The following SLC25A28 variants were observed in gnomAD, a reference collection of about 807,000 sequenced individuals.
The protein encoded by SLC25A28 is mitoferrin-2.
SLC25A28 carries 10 observed loss-of-function variants against 31.9 expected under a neutral mutation model. That is an observed-to-expected ratio of 0.31 (90% CI 0.19 to 0.53). SLC25A28 has a LOEUF of 0.53. Among genes scored for constraint, SLC25A28 ranks in the 20% least tolerant of loss-of-function variants. The probability of loss-of-function intolerance (pLI) is 0.95; values close to 1 mark genes in which losing one functional copy is unlikely to be tolerated. For synonymous variants in SLC25A28, 208 were observed against 203.6 expected (o/e 1.02, Z -0.19); for missense variants, 256 against 490.3 (o/e 0.52, Z 4.51).
At chr10:99,627,835 AT>A in the SLC25A28 span, among the ~76,000 whole-genome samples, 1 of 151,176 alleles carries the variant, frequency 6.6e-6, no homozygotes, top group Non-Finnish European at 1.5e-5. Flanking sequence ...CATTCTTTCA[AT>A]TCTTTTTTGG....
chr10:99,612,734 G>A lies in SLC25A28; in HGVS notation c.521-135C>T. On this transcript the variant is annotated intron_variant, in intron 2 of 3. Coordinates refer to ENST00000370495, the MANE Select transcript of SLC25A28 (RefSeq NM_031212.4). ...ACGTTAAGAGCTAGTCCAAAAGATG[G>A]GGACCCACTGCTCCTAAACTCCTGT... 2.1e-6 allele frequency: 2 copies of A among 937,172 alleles called. 1 individual carries two copies. Among genetic ancestry groups the A allele is most frequent in the South Asian group, 2.7e-5 (2 of 74,688 alleles). 58.1% of individuals were successfully genotyped at this position (937,172 alleles called of 1,614,324 possible).
chr10:99,623,240 G>C (rs2034826486), upstream of SLC25A28, among the ~76,000 whole-genome samples: 1 of 152,166 alleles, frequency 6.6e-6, no homozygotes, highest in Admixed American at 6.5e-5. Context: ...AGTGTGGCTG[G>C]AGCATGGTGA....
At chr10:99,647,055 A>G in the SLC25A28 span, among the ~76,000 whole-genome samples, 12 of 152,224 alleles carry the variant, frequency 7.9e-5, no homozygotes, top group African/African-American at 2.9e-4. Flanking sequence ...CATTTTCTTA[A>G]TCCAACCTTC....
the SLC25A28 span, among the ~76,000 whole-genome samples, chr10:99,653,327 A>T: frequency 1.3e-5 from 2 of 152,214 alleles, no homozygotes; most frequent in African/African-American, 4.8e-5. Flanking sequence ...CCATGTGAAA[A>T]GAAACTGGGG....
intron 1 of SLC25A28, 78 bp downstream of exon 1, chr10:99,619,967 G>A: frequency 7.1e-7 from 1 of 1,408,414 alleles, no homozygotes; most frequent in South Asian, 1.4e-5. Flanking sequence ...CCGGCTCTCA[G>A]CCGGGATCCT....
intron 1 of SLC25A28, among the ~76,000 whole-genome samples, chr10:99,614,659 T>C (rs893577739): frequency 6.6e-6 from 1 of 152,214 alleles, no homozygotes; most frequent in Admixed American, 6.5e-5. Context: ...TCTAAAGGAT[T>C]TGATGATTGG....
chr10:99,647,381 G>C, the SLC25A28 span, among the ~76,000 whole-genome samples: 1 of 152,152 alleles, frequency 6.6e-6, no homozygotes, highest in Admixed American at 6.5e-5. Flanking sequence ...GTATCTCATT[G>C]TGGTTTTCAG....
chr10:99,619,241 C>T, intron 1 of SLC25A28: 1 of 985,434 alleles, frequency 1.0e-6, no homozygotes, highest in South Asian at 4.7e-5. Context: ...TTCATACTTA[C>T]ATCTACTTTC....
At chr10:99,612,711 G>A (rs1221007119) in intron 2 of SLC25A28, 112 bp from the exon 3 acceptor site, 56 of 1,210,472 alleles carry the variant, frequency 4.6e-5, no homozygotes, top group Non-Finnish European at 6.7e-5. Context: ...GAAAAGTAAC[G>A]TTAAGAGCTA....
In SLC25A28 at chr10:99,610,869, C is replaced by T; in HGVS notation, c.1075G>A (p.Glu359Lys). The change falls in exon 4 of 4, where the codon GAG (glutamate) becomes AAG (lysine). Residue 359 changes from glutamate (E) to lysine (K), a missense_variant. Coordinates refer to ENST00000370495, the MANE Select transcript of SLC25A28 (RefSeq NM_031212.4). ...CTACTTCACTTGCCAGCCCTCCACT[C>T]TTCTTGCCTTTTAGTGATTAGGTAT... ...FKYLITKRQE[E>K]WRAGK is the part of the protein sequence containing the mutation. 2 of 1,614,008 alleles carry T rather than the reference C, an allele frequency of 1.2e-6. No individual in the cohort carries two copies. Among genetic ancestry groups the T allele is most frequent in the Non-Finnish European group, 1.7e-6 (2 of 1,179,880 alleles).
intron 1 of SLC25A28, chr10:99,618,491 G>A (rs937190506): frequency 1.4e-5 from 14 of 985,104 alleles, no homozygotes; most frequent in African/African-American, 1.2e-4. Flanking sequence ...TTGGATATAC[G>A]GCATTATTAA....
chr10:99,617,283 A>T (rs951299642), intron 1 of SLC25A28: 2 of 985,208 alleles, frequency 2.0e-6, no homozygotes, highest in Non-Finnish European at 2.4e-6. Context: ...TAGCCATGGA[A>T]ATAGCTGGTT....
At chr10:99,631,045 TAGC>T in the SLC25A28 span, among the ~76,000 whole-genome samples, 16 of 152,060 alleles carry the variant, frequency 1.1e-4, no homozygotes, top group Non-Finnish European at 2.4e-4. Context: ...GAAAACATAA[TAGC>T]AGGAGTCCTG....
At chr10:99,639,602 T>C in the SLC25A28 span, among the ~76,000 whole-genome samples, 1 of 152,016 alleles carries the variant, frequency 6.6e-6, no homozygotes, top group Non-Finnish European at 1.5e-5. Context: ...GTAATAACTC[T>C]TACTCAACCT....
At chr10:99,614,339 G>A (rs1275998679) in intron 1 of SLC25A28, among the ~76,000 whole-genome samples, 1 of 152,122 alleles carries the variant, frequency 6.6e-6, no homozygotes, top group Non-Finnish European at 1.5e-5. Flanking sequence ...TACCTAAAGA[G>A]TGCCCCTGGC....
In SLC25A28 at chr10:99,610,810, G is replaced by A; in HGVS notation, c.*39C>T. On this transcript the variant is annotated 3_prime_UTR_variant, in exon 4 of 4. Transcript: ENST00000370495. ...AGACAGAGAATGTGACCAGGATGCA[G>A]CAGTGTCATCTGAACCCCTGGCTTC... is the stretch of plus-strand genomic sequence containing the variant. 1 of 1,589,136 alleles carries A rather than the reference G, an allele frequency of 6.3e-7. No homozygotes were observed. The highest frequency in any genetic ancestry group is 8.6e-7 in the Non-Finnish European group (1 of 1,165,380).
intron 1 of SLC25A28, 29 bp downstream of exon 1, chr10:99,620,016 T>C: frequency 6.4e-7 from 1 of 1,553,616 alleles, no homozygotes; most frequent in Non-Finnish European, 8.7e-7. Context: ...CAGCCCCAGG[T>C]CGGGTTCGAA....
At chr10:99,622,980 C>CA (rs1409151668), upstream of SLC25A28, among the ~76,000 whole-genome samples, 1 of 152,042 alleles carries the variant, frequency 6.6e-6, no homozygotes, top group East Asian at 1.9e-4. Flanking sequence ...AAAATACACA[C>CA]AAAAAATGTC....
the SLC25A28 span, among the ~76,000 whole-genome samples, chr10:99,652,988 A>G: frequency 6.6e-6 from 1 of 152,134 alleles, no homozygotes; most frequent in South Asian, 2.1e-4. Context: ...ACAAAACTCA[A>G]AATTGAACAT....
Sources: gnomAD v4.1 joint callset for allele counts (sites outside exome capture counted in the v4.1 genomes callset) on GRCh38, gnomAD v4.1.1 for gene constraint, MANE v1.5 for transcripts, NCBI Gene and HGNC (gene_info 2026-07-23, HGNC 2026-07-21) for gene names.